VWF: variants seen among roughly 807,000 people sequenced by gnomAD.
VWF encodes Factor VIII related antigen.
Under a neutral mutation model 308.6 loss-of-function variants are expected in VWF, and 176 were observed. That is an observed-to-expected ratio of 0.57 (90% CI 0.50 to 0.65). VWF has a LOEUF of 0.65. Ranked by LOEUF, VWF falls within the 30% of genes least tolerant of loss-of-function variation. The pLI is 0.00. For missense variants in VWF, 3,146 were observed against 3,648.2 expected, an observed-to-expected ratio of 0.86 and a Z score of 3.55; for synonymous variants, 1,385 against 1,443.4, an observed-to-expected ratio of 0.96 and a Z score of 0.92.
intron 21 of VWF, among the ~76,000 whole-genome samples, chr12:6,029,725 G>A (rs1944237101): frequency 6.6e-6 from 1 of 152,180 alleles, no homozygotes; most frequent in South Asian, 2.1e-4. Context: ...GACGGTAACA[G>A]AGGTAGCAGC....
chr12:6,008,286 A>G (rs1943952288), intron 34 of VWF, among the ~76,000 whole-genome samples: 1 of 152,162 alleles, frequency 6.6e-6, no homozygotes. Flanking sequence ...ATGACAGCAA[A>G]CTGAATTAAA....
intron 42 of VWF, among the ~76,000 whole-genome samples, chr12:5,977,758 C>A (rs903351718): frequency 1.3e-5 from 2 of 151,626 alleles, no homozygotes; most frequent in East Asian, 3.9e-4. Flanking sequence ...GTAGTTCCAG[C>A]TACTCAGGAG....
At chr12:6,002,761 G>A (rs11063981) in intron 34 of VWF, among the ~76,000 whole-genome samples, 12,804 of 152,106 alleles carry the variant, frequency 0.084, 670 homozygotes, top group East Asian at 0.24. Context: ...CTGATAGTCC[G>A]ATGCTCCATA....
chr12:6,115,421 G>A (rs978808821), intron 3 of VWF, among the ~76,000 whole-genome samples: 5 of 152,060 alleles, frequency 3.3e-5, no homozygotes, highest in African/African-American at 4.8e-5. Context: ...CTAAATAAGC[G>A]GCTCTTAAAC....
intron 18 of VWF, among the ~76,000 whole-genome samples, chr12:6,039,580 C>A (rs1207251090): frequency 6.6e-6 from 1 of 152,210 alleles, no homozygotes; most frequent in Non-Finnish European, 1.5e-5. Flanking sequence ...TTATGAGGTT[C>A]CGCTTTTTTT....
intron 22 of VWF, among the ~76,000 whole-genome samples, chr12:6,027,398 T>C (rs778030161): frequency 3.9e-5 from 6 of 152,100 alleles, no homozygotes; most frequent in Admixed American, 1.3e-4. Context: ...GCCCAAACTA[T>C]CTATAGTAAC....
At chr12:6,059,057 C>T (rs1413103576) in intron 13 of VWF, among the ~76,000 whole-genome samples, 2 of 152,196 alleles carry the variant, frequency 1.3e-5, no homozygotes, top group Admixed American at 6.5e-5. Context: ...CAGCTCCAAC[C>T]TAACAAAATG....
chr12:6,088,645 T>A (rs1945000278), intron 6 of VWF, among the ~76,000 whole-genome samples: 2 of 151,870 alleles, frequency 1.3e-5, no homozygotes, highest in Admixed American at 1.3e-4. Context: ...TAAGGTTCAG[T>A]CCTTGCTGGC....
At chr12:6,072,727 C>T (rs1944795220) in intron 8 of VWF, among the ~76,000 whole-genome samples, 1 of 152,186 alleles carries the variant, frequency 6.6e-6, no homozygotes, top group Non-Finnish European at 1.5e-5. Context: ...AATGTGTGTG[C>T]TGCTTCCCTT....
rs1410879724 is a variant in VWF, at chr12:6,110,526, T to C, written c.380A>G (p.Tyr127Cys). The C allele has an allele frequency of 1.9e-6, 3 of 1,614,182 alleles. No individual in the cohort carries two copies. Among genetic ancestry groups the C allele is most frequent in the Non-Finnish European group, 2.5e-6 (3 of 1,180,030 alleles). The change falls in exon 5 of 52, where the codon TAC becomes TGC. Residue 127 changes from tyrosine to cysteine, a missense_variant. Coordinates refer to ENST00000261405, the MANE Select transcript of VWF (RefSeq NM_000552.5). ...GLYLETEAGY[Y>C]KLSGEAYGFV... ...GCCATAGGCCTCACCGGACAGCTTG[T>C]AGTACCCAGCCTCAGTTTCTAGATA... is the stretch of plus-strand genomic sequence containing the variant.
In VWF at chr12:6,016,149, G is replaced by T; in HGVS notation, c.5395C>A (p.Leu1799Met). 6.2e-7 allele frequency: 1 copy of T among 1,614,150 alleles called. No homozygotes were observed. The highest frequency in any genetic ancestry group is 8.5e-7 in the Non-Finnish European group (1 of 1,180,030). Residue 1799 changes from leucine to methionine, a missense_variant, in exon 31 of 52, where the codon CTG (leucine) becomes ATG (methionine). By Grantham distance (15) the Leu-to-Met change is conservative (BLOSUM62 2). Coordinates refer to ENST00000261405, the MANE Select transcript of VWF (RefSeq NM_000552.5). ...GAATCCACAGAGACGTCCGTGACCAGGATGACCACCGCCTTTGAGGCTCCC... is the reference window on the plus strand; with the variant it reads ...GAATCCACAGAGACGTCCGTGACCATGATGACCACCGCCTTTGAGGCTCCC... ...RPGASKAVVI[L>M]VTDVSVDSVD...
At position 6,016,644 on chromosome 12, in the gene VWF, G is replaced by C; in HGVS notation, c.5183C>G (p.Thr1728Ser). ...TCCATACTGCAGCACTGACACCTGA[G>C]TGAGACGAGGCCCTAAACGGAACGA... Reference protein sequence around the residue: ...ISKANIGPRLTQVSVLQYGSI... With the variant: ...ISKANIGPRLSQVSVLQYGSI... The change falls in exon 30 of 52, where the codon ACT (threonine) becomes AGT (serine). Residue 1728 changes from threonine (T) to serine (S), a missense_variant. Physicochemically the swap from Thr to Ser is moderately conservative, Grantham distance 58. Coordinates refer to ENST00000261405, the MANE Select transcript of VWF (RefSeq NM_000552.5). 1 of 1,614,222 alleles carries C rather than the reference G, an allele frequency of 6.2e-7. No homozygotes were observed. Among genetic ancestry groups the C allele is most frequent in the Non-Finnish European group, 8.5e-7 (1 of 1,180,046 alleles).
At chr12:6,072,174 C>A (rs1944788930) in intron 9 of VWF, among the ~76,000 whole-genome samples, 157 bp downstream of exon 9, 1 of 152,150 alleles carries the variant, frequency 6.6e-6, no homozygotes, top group Non-Finnish European at 1.5e-5. Flanking sequence ...TTGCCTGCCA[C>A]ACCTGTCCCT....
At chr12:5,970,037 T>C (rs185374569) in intron 44 of VWF, among the ~76,000 whole-genome samples, 275 of 152,320 alleles carry the variant, frequency 1.8e-3, no homozygotes, top group Middle Eastern at 6.8e-3. Flanking sequence ...TCTCAGGCCC[T>C]GACCTACTTC....
chr12:5,978,328 T>A lies in VWF; in HGVS notation c.7288-2068A>T, dbSNP rs554707011. ...CCCAGGCCAGAGTGCAATGGCACAA[T>A]CTCGGCTCACTGCAACCTCCACCTC... is the stretch of plus-strand genomic sequence containing the variant. On this transcript the variant is annotated intron_variant, in intron 42 of 51. Coordinates refer to ENST00000261405, the MANE Select transcript of VWF (RefSeq NM_000552.5). Among the ~76,000 whole-genome samples, 5 of 152,262 alleles carry A rather than the reference T, an allele frequency of 3.3e-5. No homozygotes were observed. In the South Asian group the frequency reaches 1.0e-3, roughly 32 times the overall value.
chr12:6,065,298 A>G (rs1413920495), intron 10 of VWF, 25 bp from the exon 11 acceptor site: 5 of 1,613,810 alleles, frequency 3.1e-6, no homozygotes, highest in Non-Finnish European at 4.2e-6. Context: ...AGGAAGGGAG[A>G]AGAATGGGAG....
chr12:5,971,752 A>T (rs755651161), intron 43 of VWF, 43 bp from the exon 44 acceptor site: 1 of 1,550,298 alleles, frequency 6.5e-7, no homozygotes, highest in South Asian at 1.1e-5. Flanking sequence ...GCCAGCAGCA[A>T]AGACACAGGG....
rs1424230048 is a variant in VWF, at chr12:6,019,677, G to A, written c.3741C>T (p.Pro1247=). The A allele has an allele frequency of 6.2e-7, 1 of 1,613,724 alleles. No individual in the cohort carries two copies. Among genetic ancestry groups the A allele is most frequent in the Non-Finnish European group, 8.5e-7 (1 of 1,179,798 alleles). The change falls in exon 28 of 52, where the codon CCC becomes CCT. Residue 1247 remains proline, a synonymous_variant. Transcript: ENST00000261405. This position sits in a 1 kb window ranked among gnomAD's most constrained non-coding sequence, Gnocchi z 5.8. ...CQEPGGLVVP[P]TDAPVSPTTL... ...TGGTGGGGCTCACCGGGGCATCTGT[G>A]GGAGGCACCACCAGGCCTCCCGGCT...
chr12:6,105,558 A>C lies in VWF; in HGVS notation c.532+4816T>G, dbSNP rs765495312. Among the ~76,000 whole-genome samples, 117 of 152,358 alleles carry C rather than the reference A, an allele frequency of 7.7e-4. 1 individual carries two copies. Among genetic ancestry groups the C allele is most frequent in the Non-Finnish European group, 9.8e-4 (67 of 68,032 alleles). The stretch of plus-strand genomic sequence containing the variant: ...GCCTTATACAAATTTTTAAAAAGAA[A>C]AAATTTAAAAAATGTTTAAGAAGAA... On this transcript the variant is annotated intron_variant, in intron 5 of 51. Transcript: ENST00000261405.
Sources: gnomAD v4.1 joint callset for allele counts (sites outside exome capture counted in the v4.1 genomes callset) on GRCh38, gnomAD v4.1.1 for gene constraint, Gnocchi (gnomAD v3.1) non-coding constraint, MANE v1.5 for transcripts, NCBI Gene and HGNC (gene_info 2026-07-23, HGNC 2026-07-21) for gene names.